TRPM1: variants seen among roughly 807,000 people sequenced by gnomAD.
The protein encoded by TRPM1 is transient receptor potential cation channel subfamily M member 1.
In TRPM1, 113 loss-of-function variants were observed where a neutral mutation model predicts 149.4. That is an observed-to-expected ratio of 0.76 (90% confidence interval 0.65 to 0.88). The LOEUF (loss-of-function observed/expected upper bound fraction) is 0.88. TRPM1 is among the 40% of genes least tolerant of loss of function. TRPM1 has a pLI of 0.00. For missense variants in TRPM1, 1,976 were observed against 2,038.7 expected (o/e 0.97, Z 0.59); for synonymous variants, 741 against 759.5 (o/e 0.98, Z 0.40).
intron 1 of TRPM1, among the ~76,000 whole-genome samples, chr15:31,090,855 T>C (rs2035217302): frequency 6.6e-6 from 1 of 152,178 alleles, no homozygotes; most frequent in South Asian, 2.1e-4. Context: ...CCATTTCTTA[T>C]CTTTATGACC....
intron 1 of TRPM1, among the ~76,000 whole-genome samples, chr15:31,141,161 AG>A (rs2036156433): frequency 6.6e-6 from 1 of 152,058 alleles, no homozygotes. Flanking sequence ...GGTATGGTGA[AG>A]CTAAATATGT....
rs1424843132 is a variant in TRPM1, at chr15:31,047,093, A to G, written c.1764+18T>C. The G allele has an allele frequency of 3.7e-6, 6 of 1,614,216 alleles. No homozygotes were observed. Among genetic ancestry groups the G allele is most frequent in the Non-Finnish European group, 5.1e-6 (6 of 1,180,044 alleles). On this transcript the variant is annotated intron_variant, in intron 15 of 27. Coordinates refer to ENST00000256552, the MANE Select transcript of TRPM1 (RefSeq NM_001252024.2). ...GTACTCGCGAACCACAGAACACTAC[A>G]CAGGCACTGAGTTCTACCCTCTTTG...
At chr15:31,015,537 C>T (rs2032330773) in intron 27 of TRPM1, among the ~76,000 whole-genome samples, 1 of 152,124 alleles carries the variant, frequency 6.6e-6, no homozygotes, top group African/African-American at 2.4e-5. Context: ...TGTCTTCTCA[C>T]TCCAAAAAGA....
intron 3 of TRPM1, among the ~76,000 whole-genome samples, chr15:31,072,012 T>C (rs1465340525): frequency 3.5e-5 from 1 of 28,496 alleles, no homozygotes; most frequent in African/African-American, 1.2e-4. Flanking sequence ...TATATATATA[T>C]ATATATAGAG....
At chr15:31,137,493 C>T (rs783035) in intron 1 of TRPM1, among the ~76,000 whole-genome samples, 1 of 152,108 alleles carries the variant, frequency 6.6e-6, no homozygotes, top group South Asian at 2.1e-4. Flanking sequence ...AACTGGTTAT[C>T]TAAGAAGTGC....
chr15:31,088,662 T>A (rs886473040), intron 1 of TRPM1, among the ~76,000 whole-genome samples: 2 of 152,160 alleles, frequency 1.3e-5, no homozygotes, highest in Non-Finnish European at 2.9e-5. Flanking sequence ...ACTCACGGAC[T>A]AGGATGGGCA....
chr15:31,159,318 G>A (rs536750687), intron 1 of TRPM1, among the ~76,000 whole-genome samples: 1 of 152,246 alleles, frequency 6.6e-6, no homozygotes, highest in Admixed American at 6.5e-5. Context: ...AGGTGAACAG[G>A]TGACATCAAA....
In TRPM1 at chr15:31,035,553, AT is replaced by A; in HGVS notation, c.2692del (p.Ile898TyrfsTer36). The A allele has an allele frequency of 6.2e-7, 1 of 1,614,136 alleles. No homozygotes were observed. Among genetic ancestry groups the A allele is most frequent in the Non-Finnish European group, 8.5e-7 (1 of 1,180,020 alleles). ...GGCCTTTGGAGTAGCCACCTCTCGT[AT>A]CTTCTCTAACGCCAGGCTCACGATG... is the stretch of plus-strand genomic sequence containing the variant. ...SYIVSLALEK[I>X]REILMSEPGK... On this transcript the variant is annotated frameshift_variant, in exon 21 of 28. Coordinates refer to ENST00000256552, the MANE Select transcript of TRPM1 (RefSeq NM_001252024.2). LOFTEE classifies it high-confidence loss of function.
chr15:31,088,722 T>C (rs930812567), intron 1 of TRPM1, among the ~76,000 whole-genome samples: 1 of 151,362 alleles, frequency 6.6e-6, no homozygotes, highest in Non-Finnish European at 1.5e-5. Flanking sequence ...TGAGATTGAC[T>C]GAAGCGGCGG....
intron 27 of TRPM1, among the ~76,000 whole-genome samples, chr15:31,015,680 C>A (rs549756554): frequency 5.3e-5 from 8 of 152,166 alleles, no homozygotes; most frequent in African/African-American, 1.9e-4. Context: ...TAAAGGAAAA[C>A]CTTATAATCT....
intron 21 of TRPM1, among the ~76,000 whole-genome samples, chr15:31,034,272 G>A (rs911231113): frequency 7.2e-5 from 11 of 152,172 alleles, no homozygotes; most frequent in Admixed American, 2.6e-4. Context: ...CTGGGATAAC[G>A]AGTCATATGT....
chr15:31,105,468 T>C (rs368929217), upstream of TRPM1, among the ~76,000 whole-genome samples: 21,238 of 131,460 alleles, frequency 0.16, 1,782 homozygotes, highest in Non-Finnish European at 0.18. Flanking sequence ...TGTGTGTGTG[T>C]GTGTGCGCGC....
upstream of TRPM1, among the ~76,000 whole-genome samples, chr15:31,105,475 G>C (rs1003422282): frequency 8.1e-6 from 1 of 123,278 alleles, no homozygotes; most frequent in Non-Finnish European, 1.5e-5. Context: ...GTGTGTGTGC[G>C]CGCGCGCGCG....
At chr15:31,083,344 T>C (rs2034912087) in intron 1 of TRPM1, among the ~76,000 whole-genome samples, 1 of 152,186 alleles carries the variant, frequency 6.6e-6, no homozygotes, top group African/African-American at 2.4e-5. Flanking sequence ...GAAAACTACA[T>C]TTAGCTGCCA....
At chr15:31,161,020 C>G in exon 1 of TRPM1, 1 of 1,498,098 alleles carries the variant, frequency 6.7e-7, no homozygotes, top group Non-Finnish European at 9.0e-7. Context: ...GCCAGTGGCA[C>G]AGGGGCTGCC....
At chr15:31,088,670 G>A (rs2035087397) in intron 1 of TRPM1, among the ~76,000 whole-genome samples, 1 of 152,182 alleles carries the variant, frequency 6.6e-6, no homozygotes, top group African/African-American at 2.4e-5. Flanking sequence ...ACTAGGATGG[G>A]CATTTCATAC....
intron 21 of TRPM1, among the ~76,000 whole-genome samples, chr15:31,033,826 G>A (rs1279154779): frequency 6.6e-6 from 1 of 152,218 alleles, no homozygotes; most frequent in East Asian, 1.9e-4. Context: ...GGTAAAGCAG[G>A]CCGCTCAGGA....
Position 31,002,645 on chromosome 15 carries a change from G to A in TRPM1, c.4055C>T (p.Thr1352Ile). 2.5e-6 allele frequency: 4 copies of A among 1,614,194 alleles called. No individual in the cohort carries two copies. Among genetic ancestry groups the A allele is most frequent in the Non-Finnish European group, 2.5e-6 (3 of 1,180,036 alleles). The change falls in exon 28 of 28, where the codon ACA becomes ATA. Residue 1352 changes from threonine (T) to isoleucine (I), a missense_variant. This residue lies in a region of TRPM1 where 572 missense variants were observed against 578.9 expected (regional missense o/e 0.99). Transcript: ENST00000256552. ...GCCATCTGGGGTTGCTGATGTGCTT[G>A]TGCCCAGTGAAAGGTGAAGACTGTT... is the stretch of plus-strand genomic sequence containing the variant. ...CQNSLHLSLG[T>I]STSATPDGSH...
intron 16 of TRPM1, among the ~76,000 whole-genome samples, chr15:31,043,361 T>G (rs2033675933): frequency 6.6e-6 from 1 of 151,942 alleles, no homozygotes; most frequent in South Asian, 2.1e-4. Context: ...CCCGGCTAAT[T>G]TTTTGTATGT....
Sources: gnomAD v4.1 joint callset for allele counts (sites outside exome capture counted in the v4.1 genomes callset) on GRCh38, gnomAD v4.1.1 for gene constraint, gnomAD v4.1.1 regional missense constraint, MANE v1.5 for transcripts, NCBI Gene and HGNC (gene_info 2026-07-23, HGNC 2026-07-21) for gene names.